Variants in NUP43 observed in about 807,000 individuals in gnomAD.
The protein encoded by NUP43 is nucleoporin 43, also known as nucleoporin Nup43.
NUP43 carries 32 observed loss-of-function variants against 47.3 expected under a neutral mutation model. That is an observed-to-expected ratio of 0.68 (90% confidence interval 0.51 to 0.91). The LOEUF (loss-of-function observed/expected upper bound fraction) is 0.91, where lower values mean the gene tolerates loss of function less well. Ranked by LOEUF, NUP43 falls within the 40% of genes least tolerant of loss-of-function variation. The probability of loss-of-function intolerance (pLI) is 0.00; values close to 1 mark genes in which losing one functional copy is unlikely to be tolerated. For missense variants in NUP43, 444 were observed against 453.9 expected (o/e 0.98, Z 0.20); for synonymous variants, 147 against 158.4 (o/e 0.93, Z 0.54).
chr6:149,732,372 T>TC (rs2115092908), intron 6 of NUP43, among the ~76,000 whole-genome samples: 1 of 145,044 alleles, frequency 6.9e-6, no homozygotes, highest in South Asian at 2.2e-4. Flanking sequence ...GTGGTGAAAC[T>TC]CCGTCTCTAC....
chr6:149,731,211 A>G (rs953007189), intron 7 of NUP43, among the ~76,000 whole-genome samples: 1 of 152,136 alleles, frequency 6.6e-6, no homozygotes, highest in African/African-American at 2.4e-5. Flanking sequence ...CAGAGGTTGC[A>G]GTGAGCTGAG....
chr6:149,745,210 C>T (rs1269307646), intron 2 of NUP43, among the ~76,000 whole-genome samples: 1 of 151,736 alleles, frequency 6.6e-6, no homozygotes, highest in Non-Finnish European at 1.5e-5. Context: ...ACCATCGTGG[C>T]TAATATGGTG....
At chr6:149,732,009 C>T (rs372982697) in intron 6 of NUP43, among the ~76,000 whole-genome samples, 3 of 151,892 alleles carry the variant, frequency 2.0e-5, no homozygotes, top group Admixed American at 1.3e-4. Flanking sequence ...TGGTGAAACA[C>T]CATCTCTACT....
intron 7 of NUP43, among the ~76,000 whole-genome samples, chr6:149,728,748 G>A (rs987001969): frequency 2.0e-5 from 3 of 152,154 alleles, no homozygotes; most frequent in Non-Finnish European, 4.4e-5. Flanking sequence ...TCCAACCGTG[G>A]TGTCCTTGCA....
At chr6:149,738,915 C>A in intron 4 of NUP43, 137 bp from the exon 5 acceptor site, 1 of 457,056 alleles carries the variant, frequency 2.2e-6, no homozygotes, top group Non-Finnish European at 3.7e-6. Context: ...TAGAAAAATG[C>A]ATGGTTAATG....
intron 5 of NUP43, 93 bp from the exon 6 acceptor site, chr6:149,736,715 C>A: frequency 9.1e-7 from 1 of 1,104,956 alleles, no homozygotes; most frequent in Non-Finnish European, 1.3e-6. Context: ...TGTTTTGAGA[C>A]AAGGCCTCAC....
intron 2 of NUP43, among the ~76,000 whole-genome samples, 163 bp from the exon 3 acceptor site, chr6:149,743,878 A>G (rs1461834564): frequency 6.6e-6 from 1 of 152,242 alleles, no homozygotes; most frequent in African/African-American, 2.4e-5. Context: ...TGAAAGGCCA[A>G]ACTGCCATAC....
rs1784723962 is a variant in NUP43, at chr6:149,724,558, T to C, written c.*2411A>G. On this transcript the variant is annotated 3_prime_UTR_variant, in exon 8 of 8. Transcript: ENST00000340413. ...AGGGCTGTTCAAATGTGAAACTGTA[T>C]TGGAAAATGGGAAACTTTATCTCCT... is the stretch of plus-strand genomic sequence containing the variant. The C allele has an allele frequency of 6.6e-6, 1 of 152,166 alleles. No homozygotes were observed. Among genetic ancestry groups the C allele is most frequent in the Non-Finnish European group, 1.5e-5 (1 of 68,036 alleles). 9.4% of individuals were successfully genotyped at this position (152,166 alleles called of 1,614,324 possible). A position where few individuals can be genotyped will look rare whatever the true frequency, so the allele number is the denominator to read the frequency against.
At chr6:149,736,681 A>C in intron 5 of NUP43, 59 bp from the exon 6 acceptor site, 1 of 1,407,762 alleles carries the variant, frequency 7.1e-7, no homozygotes, top group Admixed American at 1.8e-5. Flanking sequence ...ATCTTTGTGT[A>C]ACACAGGAAA....
At chr6:149,745,484 A>C (rs558133748) in intron 2 of NUP43, among the ~76,000 whole-genome samples, 1 of 152,272 alleles carries the variant, frequency 6.6e-6, no homozygotes, top group Admixed American at 6.5e-5. Flanking sequence ...AAGTTCACTA[A>C]ATCGTGGTAA....
In NUP43 at chr6:149,731,672, G is replaced by A; in HGVS notation, c.854C>T (p.Ser285Phe). ...EHLFTCSEDG[S>F]LWHWDASTDV... ...TGTGGAAGCATCCCAGTGCCAGAGG[G>A]ATCCATCTTCAGAGCAGGTAAAAAG... Residue 285 changes from serine to phenylalanine, a missense_variant, in exon 7 of 8, where the codon TCC becomes TTC. Ser to Phe is a radical substitution (Grantham distance 155). Coordinates refer to ENST00000340413, the MANE Select transcript of NUP43 (RefSeq NM_198887.3). The A allele has an allele frequency of 6.2e-7, 1 of 1,613,782 alleles. No homozygotes were observed. The highest frequency in any genetic ancestry group is 8.5e-7 in the Non-Finnish European group (1 of 1,179,736).
chr6:149,726,920 C>G lies in NUP43; in HGVS notation c.*49G>C. 2 of 1,473,648 alleles carry G rather than the reference C, an allele frequency of 1.4e-6. No homozygotes were observed. The highest frequency in any genetic ancestry group is 1.9e-6 in the Non-Finnish European group (2 of 1,064,584). 91.3% of individuals were successfully genotyped at this position (1,473,648 alleles called of 1,614,324 possible). A position where few individuals can be genotyped will look rare whatever the true frequency, so the allele number is the denominator to read the frequency against. ...AAAATTTTGCACAGAAGTTGGATTT[C>G]AAAAGGCTAATTGCATGTTCTATCT... is the stretch of plus-strand genomic sequence containing the variant. On this transcript the variant is annotated 3_prime_UTR_variant, in exon 8 of 8. Coordinates refer to ENST00000340413, the MANE Select transcript of NUP43 (RefSeq NM_198887.3).
intron 2 of NUP43, 84 bp downstream of exon 2, chr6:149,745,842 ACGAGGGGTGACACC>A: frequency 9.4e-7 from 1 of 1,067,560 alleles, no homozygotes; most frequent in Non-Finnish European, 1.3e-6. Context: ...TTTTCTGTAA[ACGAGGGGTGACACC>A]AGACAACTTT....
intron 3 of NUP43, 35 bp from the exon 4 acceptor site, chr6:149,742,605 A>C (rs747585800): frequency 3.3e-6 from 5 of 1,535,360 alleles, no homozygotes; most frequent in Middle Eastern, 1.7e-4. Context: ...ATTAAAGCAA[A>C]GTACTAAGGA....
chr6:149,731,981 G>C (rs996897319), intron 6 of NUP43, among the ~76,000 whole-genome samples: 3 of 151,906 alleles, frequency 2.0e-5, no homozygotes, highest in African/African-American at 7.3e-5. Context: ...CCTGAGGTCA[G>C]GACCAGCCTG....
At chr6:149,743,049 G>A (rs1302461093) in intron 3 of NUP43, among the ~76,000 whole-genome samples, 5 of 151,920 alleles carry the variant, frequency 3.3e-5, no homozygotes, top group Admixed American at 6.6e-5. Context: ...GGTGGCACGC[G>A]CCTGTAATCC....
Position 149,725,416 on chromosome 6 carries a change from C to G in NUP43, c.*1553G>C, listed in dbSNP as rs1335211047. On this transcript the variant is annotated 3_prime_UTR_variant, in exon 8 of 8. Transcript: ENST00000340413. ...CCAGCCTGGCCAACACAGTGAAACCCCATCTCTACTAAAAATACAAAAATT... is the reference window on the plus strand; with the variant it reads ...CCAGCCTGGCCAACACAGTGAAACCGCATCTCTACTAAAAATACAAAAATT... 2 of 152,142 alleles carry G rather than the reference C, an allele frequency of 1.3e-5. No individual in the cohort carries two copies. The highest frequency in any genetic ancestry group is 1.3e-4 in the Admixed American group (2 of 15,264). The allele number at this position is 152,142 out of a possible 1,614,324, so 9.4% of individuals were successfully genotyped here.
intron 6 of NUP43, among the ~76,000 whole-genome samples, chr6:149,736,150 G>A (rs930657056): frequency 4.6e-5 from 7 of 151,366 alleles, no homozygotes; most frequent in Admixed American, 4.0e-4. Flanking sequence ...GGTGGTGCAT[G>A]CCTGTAATCC....
rs1784810293 is a variant in NUP43, at chr6:149,726,859, G to A, written c.*110C>T. The A allele has an allele frequency of 1.3e-6, 1 of 780,780 alleles. No individual in the cohort carries two copies. Among genetic ancestry groups the A allele is most frequent in the South Asian group, 1.7e-5 (1 of 59,278 alleles). 48.4% of individuals were successfully genotyped at this position (780,780 alleles called of 1,614,324 possible). A position where few individuals can be genotyped will look rare whatever the true frequency, so the allele number is the denominator to read the frequency against. On this transcript the variant is annotated 3_prime_UTR_variant, in exon 8 of 8. Transcript: ENST00000340413. ...GCATTGACATTAATGGTAGTTTACTGATGTTTCCCCTGCAAATCTCGTATT... is the reference window on the plus strand; with the variant it reads ...GCATTGACATTAATGGTAGTTTACTAATGTTTCCCCTGCAAATCTCGTATT...
Sources: gnomAD v4.1 joint callset for allele counts (sites outside exome capture counted in the v4.1 genomes callset) on GRCh38, gnomAD v4.1.1 for gene constraint, MANE v1.5 for transcripts, NCBI Gene and HGNC (gene_info 2026-07-23, HGNC 2026-07-21) for gene names.